CMSS1: variants seen among roughly 807,000 people sequenced by gnomAD.
CMSS1 encodes the protein cms1 ribosomal small subunit homolog, also known as protein CMSS1.
CMSS1 carries 33 observed loss-of-function variants against 43.5 expected under a neutral mutation model. The observed-to-expected ratio is 0.76, with a 90% CI of 0.57 to 1.01. CMSS1 has a LOEUF of 1.01. CMSS1 is among the 50% of genes least tolerant of loss of function. The pLI is 0.00. For synonymous variants in CMSS1, 115 were observed against 117.2 expected (o/e 0.98, Z 0.12); for missense variants, 313 against 326.4 (o/e 0.96, Z 0.32).
chr3:99,818,107 C>G, intron 1 of CMSS1, 64 bp downstream of exon 1: 1 of 1,490,716 alleles, frequency 6.7e-7, no homozygotes, highest in South Asian at 1.2e-5. Flanking sequence ...CGCCTCAGCC[C>G]TGGTCGCTTC....
chr3:99,917,988 T>C (rs759333790), intron 1 of CMSS1, among the ~76,000 whole-genome samples: 1 of 151,822 alleles, frequency 6.6e-6, no homozygotes, highest in South Asian at 2.1e-4. Context: ...TTTTGTTTTG[T>C]TTTTTTTGAG....
rs192317604 is a variant in CMSS1, at chr3:99,940,189, A to G, written c.64+122146A>G. Among the ~76,000 whole-genome samples, 172 of 152,394 alleles carry G rather than the reference A, an allele frequency of 1.1e-3. 5 individuals carry two copies. In the East Asian group the frequency reaches 0.027, roughly 24 times the overall value. On this transcript the variant is annotated intron_variant, in intron 1 of 9. Transcript: ENST00000421999. ...TTCTTTTCTCATTTAAGGTTGAAAC[A>G]GGGCTGAGAATGTTTTCCAGATCTT...
rs1381503800 is a variant in CMSS1 at position 99,849,900 on chromosome 3, A to C, written c.64+31857A>C. Reference sequence around the variant, plus strand: ...CTTTCTCAATTGCTTCCAATGATTGAAGCCTATTTTTCAACATATTAACTC... The same window carrying C: ...CTTTCTCAATTGCTTCCAATGATTGCAGCCTATTTTTCAACATATTAACTC... On this transcript the variant is annotated intron_variant, in intron 1 of 9. Coordinates refer to ENST00000421999, the MANE Select transcript of CMSS1 (RefSeq NM_032359.4). The C allele has an allele frequency of 1.9e-6, 3 of 1,611,892 alleles. No individual in the cohort carries two copies. The African/African-American group carries it at 4.0e-5, about 22-fold the overall frequency.
chr3:99,840,342 G>C (rs547471846), intron 1 of CMSS1, among the ~76,000 whole-genome samples: 176 of 146,932 alleles, frequency 1.2e-3, no homozygotes, highest in Non-Finnish European at 2.0e-3. Context: ...TCCTGCCTCA[G>C]CCTCCCAAGT....
At chr3:100,075,631 TC>T (rs1440388203) in intron 1 of CMSS1, 1 of 152,110 alleles carries the variant, frequency 6.6e-6, no homozygotes, top group African/African-American at 2.4e-5. Flanking sequence ...TATCTTCTTT[TC>T]CTTATTACAC....
intron 1 of CMSS1, chr3:99,930,929 A>C (rs1208122747): frequency 1.9e-6 from 3 of 1,613,528 alleles, no homozygotes; most frequent in South Asian, 2.2e-5. Context: ...TCTATGCTTC[A>C]TGTTTTTAGG....
chr3:100,024,083 A>T (rs1255151509), intron 1 of CMSS1, among the ~76,000 whole-genome samples: 2 of 151,768 alleles, frequency 1.3e-5, no homozygotes, highest in Non-Finnish European at 2.9e-5. Flanking sequence ...TCCTCCCACA[A>T]CTCTAACTAC....
chr3:99,861,335 T>A (rs1305927290), intron 1 of CMSS1, among the ~76,000 whole-genome samples: 1 of 152,206 alleles, frequency 6.6e-6, no homozygotes, highest in Non-Finnish European at 1.5e-5. Context: ...GGCTGCCCTG[T>A]CCCTCTAGGG....
chr3:100,139,241 G>A (rs975858358), intron 1 of CMSS1, among the ~76,000 whole-genome samples: 1 of 151,994 alleles, frequency 6.6e-6, no homozygotes, highest in Non-Finnish European at 1.5e-5. Context: ...AATAGGTGCA[G>A]CAAACCACCA....
At position 99,846,901 on chromosome 3, in the gene CMSS1, T is replaced by G. The variant is rs1482429203; in HGVS notation, c.64+28858T>G. On this transcript the variant is annotated intron_variant, in intron 1 of 9. Transcript: ENST00000421999. ...AAAGGGAAATGGCAATAAGCTACTT[T>G]GTCTGAAATCGTCGTTTTGGAATGT... Among the ~76,000 whole-genome samples, 3 of 152,232 alleles carry G rather than the reference T, an allele frequency of 2.0e-5. No individual in the cohort carries two copies. The East Asian group carries it at 5.8e-4, about 29-fold the overall frequency.
At chr3:99,902,379 T>G (rs1706465206) in intron 1 of CMSS1, among the ~76,000 whole-genome samples, 2 of 152,304 alleles carry the variant, frequency 1.3e-5, no homozygotes, top group African/African-American at 2.4e-5. Context: ...TCATTCTCAT[T>G]TGCTCATGTT....
chr3:99,937,653 C>T (rs1185070771), intron 1 of CMSS1, among the ~76,000 whole-genome samples: 1 of 152,138 alleles, frequency 6.6e-6, no homozygotes, highest in Non-Finnish European at 1.5e-5. Context: ...TGTGTATCCC[C>T]ATGTCCTACA....
intron 1 of CMSS1, among the ~76,000 whole-genome samples, chr3:100,145,120 T>C (rs983830051): frequency 6.6e-6 from 1 of 152,138 alleles, no homozygotes; most frequent in Non-Finnish European, 1.5e-5. Context: ...TTGGGTAGGC[T>C]TTTTTTCTCA....
chr3:99,856,582 G>A (rs915374439), intron 1 of CMSS1, among the ~76,000 whole-genome samples: 2 of 152,216 alleles, frequency 1.3e-5, no homozygotes, highest in East Asian at 1.9e-4. Context: ...ACAGCTTTCC[G>A]TTAGAGTTTC....
chr3:100,145,920 C>T lies in CMSS1; in HGVS notation c.65-1053C>T, dbSNP rs190812194. Among the ~76,000 whole-genome samples, 25 of 152,342 alleles carry T rather than the reference C, an allele frequency of 1.6e-4. No homozygotes were observed. In the East Asian group the frequency reaches 4.6e-3, roughly 28 times the overall value. On this transcript the variant is annotated intron_variant, in intron 1 of 9. Coordinates refer to ENST00000421999, the MANE Select transcript of CMSS1 (RefSeq NM_032359.4). ...ATGTATGACCAAATATCGGGGCACC[C>T]CATGGCCCAGTCAAGTTGACACATA...
At chr3:99,919,579 A>T (rs935597867) in intron 1 of CMSS1, among the ~76,000 whole-genome samples, 1 of 151,798 alleles carries the variant, frequency 6.6e-6, no homozygotes, top group Non-Finnish European at 1.5e-5. Flanking sequence ...TATTTCAAGG[A>T]GGTTTCCAAA....
chr3:100,080,175 G>T (rs534692221), intron 1 of CMSS1, among the ~76,000 whole-genome samples: 7 of 151,910 alleles, frequency 4.6e-5, no homozygotes, highest in Non-Finnish European at 7.4e-5. Context: ...TAGAGACGGG[G>T]ATCTCGCCAT....
chr3:99,868,508 T>G (rs567015240), intron 1 of CMSS1, among the ~76,000 whole-genome samples: 53 of 152,274 alleles, frequency 3.5e-4, no homozygotes, highest in Middle Eastern at 3.4e-3. Context: ...TAACAGTAGC[T>G]GCTATAGGTT....
intron 1 of CMSS1, among the ~76,000 whole-genome samples, chr3:100,137,712 G>A (rs554835508): frequency 6.6e-5 from 10 of 152,026 alleles, no homozygotes; most frequent in South Asian, 4.2e-4. Context: ...ATAGGCGCCC[G>A]CCACCATGCC....
Sources: allele counts gnomAD v4.1 joint callset (sites outside exome capture counted in the v4.1 genomes callset), GRCh38; gene constraint gnomAD v4.1.1; transcripts MANE v1.5; gene names NCBI Gene and HGNC (gene_info 2026-07-23, HGNC 2026-07-21).